Variants in CTXND1 observed in about 807,000 individuals in gnomAD.
CTXND1 encodes the protein cortexin domain-containing 1 protein.
At chr15:80,218,068 T>C (rs1893272496) in intron 1 of CTXND1, among the ~76,000 whole-genome samples, 2 of 152,232 alleles carry the variant, frequency 1.3e-5, no homozygotes, top group Admixed American at 1.3e-4. Context: ...TCAACTTCAG[T>C]GATAGAAAAT....
intron 1 of CTXND1, among the ~76,000 whole-genome samples, chr15:80,242,113 T>C (rs991443379): frequency 6.6e-6 from 1 of 152,174 alleles, no homozygotes; most frequent in Non-Finnish European, 1.5e-5. Context: ...TTCTATGTTA[T>C]GTAGGTTGAG....
chr15:80,251,845 G>C (rs1893700342), intron 1 of CTXND1, among the ~76,000 whole-genome samples, 162 bp downstream of exon 1: 1 of 151,998 alleles, frequency 6.6e-6, no homozygotes, highest in African/African-American at 2.4e-5. Flanking sequence ...GTGTCCACGC[G>C]GGTCTCCTCG....
intron 1 of CTXND1, among the ~76,000 whole-genome samples, chr15:80,216,317 G>C (rs766798747): frequency 5.6e-4 from 85 of 152,126 alleles, no homozygotes; most frequent in Non-Finnish European, 1.0e-3. Flanking sequence ...TACATAAATT[G>C]ATTTTCTGTG....
chr15:80,246,099 T>C (rs1224416736), intron 1 of CTXND1, among the ~76,000 whole-genome samples: 3 of 152,200 alleles, frequency 2.0e-5, no homozygotes, highest in Non-Finnish European at 4.4e-5. Context: ...CTGTAATTTG[T>C]ATAATGAGAA....
At chr15:80,211,611 G>A (rs1402284925) in intron 1 of CTXND1, among the ~76,000 whole-genome samples, 1 of 152,096 alleles carries the variant, frequency 6.6e-6, no homozygotes, top group Non-Finnish European at 1.5e-5. Flanking sequence ...GCGGGGGAGA[G>A]GATGGGATTA....
intron 1 of CTXND1, among the ~76,000 whole-genome samples, chr15:80,219,961 T>C (rs1336585140): frequency 2.0e-5 from 3 of 152,214 alleles, no homozygotes; most frequent in Non-Finnish European, 4.4e-5. Context: ...TGGCTTGTTT[T>C]TCAAATTTGT....
At chr15:80,205,615 A>G (rs375657702) in intron 1 of CTXND1, among the ~76,000 whole-genome samples, 74 of 152,290 alleles carry the variant, frequency 4.9e-4, no homozygotes, top group African/African-American at 1.7e-3. Flanking sequence ...TAGAAAACTG[A>G]CTCTCAGGCA....
rs1010018150 is a variant in CTXND1 at position 80,201,370 on chromosome 15, T to G, written c.*400A>C. The G allele has an allele frequency of 1.3e-4, 21 of 156,492 alleles. No homozygotes were observed. The highest frequency in any genetic ancestry group is 2.0e-4 in the Non-Finnish European group (14 of 71,152). The allele number at this position is 156,492 out of a possible 1,614,324, so 9.7% of individuals were successfully genotyped here. On this transcript the variant is annotated 3_prime_UTR_variant, in exon 3 of 3. Coordinates refer to ENST00000560778, the MANE Select transcript of CTXND1 (RefSeq NM_001352888.2). ...GGGAGCCTCCATTGCTACTTTGCATTTAAAGGACCGAGAGTCTCCTCAAGA... is the reference window on the plus strand; with the variant it reads ...GGGAGCCTCCATTGCTACTTTGCATGTAAAGGACCGAGAGTCTCCTCAAGA...
chr15:80,227,166 A>T (rs1265340951), intron 1 of CTXND1, among the ~76,000 whole-genome samples: 1 of 152,192 alleles, frequency 6.6e-6, no homozygotes, highest in African/African-American at 2.4e-5. Flanking sequence ...TACAAAGAAA[A>T]GCAAATCAAG....
At chr15:80,208,264 CACAT>C (rs1893170997) in intron 1 of CTXND1, among the ~76,000 whole-genome samples, 1 of 152,258 alleles carries the variant, frequency 6.6e-6, no homozygotes, top group African/African-American at 2.4e-5. Flanking sequence ...TGTGCACACA[CACAT>C]ATGCACATAC....
rs1282033532 is a variant in CTXND1 at position 80,204,169 on chromosome 15, AATATATAT to A, written c.-217-437_-217-430del. On this transcript the variant is annotated intron_variant, in intron 1 of 2. Coordinates refer to ENST00000560778, the MANE Select transcript of CTXND1 (RefSeq NM_001352888.2). The stretch of plus-strand genomic sequence containing the variant: ...CTCAAAAAAAAAAAAAAAAAAAAAA[AATATATAT>A]ATATATATATATATATATATATACA... 5.7e-3 allele frequency among the ~76,000 whole-genome samples: 371 copies of A among 65,054 alleles called. 5 individuals carry two copies. Among genetic ancestry groups the A allele is most frequent in the Middle Eastern group, 0.033 (2 of 60 alleles). The allele number at this position is 65,054 out of a possible 152,430, so 42.7% of individuals were successfully genotyped here.
intron 1 of CTXND1, among the ~76,000 whole-genome samples, chr15:80,219,901 C>A (rs546454848): frequency 7.2e-5 from 11 of 152,238 alleles, no homozygotes; most frequent in African/African-American, 2.6e-4. Flanking sequence ...ATCATTTCTT[C>A]GCTGGTCTTG....
chr15:80,230,932 C>T (rs1893421272), intron 1 of CTXND1, among the ~76,000 whole-genome samples: 1 of 152,004 alleles, frequency 6.6e-6, no homozygotes, highest in South Asian at 2.1e-4. Context: ...GTGGCACACA[C>T]CTGTAGTCCC....
intron 1 of CTXND1, among the ~76,000 whole-genome samples, chr15:80,231,125 G>A (rs1205641626): frequency 6.6e-6 from 1 of 150,670 alleles, no homozygotes; most frequent in Non-Finnish European, 1.5e-5. Flanking sequence ...TTTGGTGTGT[G>A]TGTCTTCTTG....
chr15:80,200,899 C>A lies in CTXND1; in HGVS notation c.*871G>T, dbSNP rs1477564322. The A allele has an allele frequency of 6.6e-6, 1 of 152,108 alleles. No homozygotes were observed. The highest frequency in any genetic ancestry group is 2.4e-5 in the African/African-American group (1 of 41,400). The allele number at this position is 152,108 out of a possible 1,614,324, so 9.4% of individuals were successfully genotyped here. ...AGATGATTTTTTAACCATGACCTAC[C>A]CAACCGATGGGATGCCCTTCGGTCA... On this transcript the variant is annotated 3_prime_UTR_variant, in exon 3 of 3. Coordinates refer to ENST00000560778, the MANE Select transcript of CTXND1 (RefSeq NM_001352888.2).
chr15:80,250,475 T>C (rs1178397110), intron 1 of CTXND1, among the ~76,000 whole-genome samples: 2 of 152,238 alleles, frequency 1.3e-5, no homozygotes, highest in Non-Finnish European at 2.9e-5. Context: ...GGGTTAGAGA[T>C]ACATTATGCT....
intron 1 of CTXND1, among the ~76,000 whole-genome samples, chr15:80,228,496 A>C (rs181328459): frequency 3.3e-5 from 5 of 152,288 alleles, no homozygotes. Context: ...GGGCTTATCC[A>C]AGGGCCCCAC....
In CTXND1 at chr15:80,198,416, C is replaced by T. The variant is rs889974038; in HGVS notation, c.*3354G>A. 25 of 152,358 alleles carry T rather than the reference C, an allele frequency of 1.6e-4. No individual in the cohort carries two copies. The highest frequency in any genetic ancestry group is 5.8e-4 in the African/African-American group (24 of 41,568). 9.4% of individuals were successfully genotyped at this position (152,358 alleles called of 1,614,324 possible). A position where few individuals can be genotyped will look rare whatever the true frequency, so the allele number is the denominator to read the frequency against. On this transcript the variant is annotated 3_prime_UTR_variant, in exon 3 of 3. Coordinates refer to ENST00000560778, the MANE Select transcript of CTXND1 (RefSeq NM_001352888.2). ...GGCCTCCCATTCTCTAAATGCTTTT[C>T]ATTTCTTGTCTGCCAACTTCTAGCC...
chr15:80,241,767 T>C (rs928752050), intron 1 of CTXND1, among the ~76,000 whole-genome samples: 2 of 152,160 alleles, frequency 1.3e-5, no homozygotes, highest in African/African-American at 4.8e-5. Context: ...CAGCTGCTCG[T>C]TGGCCTACCC....
Sources: gnomAD v4.1 joint callset for allele counts (sites outside exome capture counted in the v4.1 genomes callset) on GRCh38, gnomAD v4.1.1 for gene constraint, MANE v1.5 for transcripts, NCBI Gene and HGNC (gene_info 2026-07-23, HGNC 2026-07-21) for gene names.